The following CRYBG1 variants were observed in gnomAD, a reference collection of about 807,000 sequenced individuals.
The protein encoded by CRYBG1 is crystallin beta-gamma domain containing 1.
In CRYBG1, 139 loss-of-function variants were observed where a neutral mutation model predicts 189.2. The observed-to-expected ratio is 0.73, with a 90% CI of 0.64 to 0.85. The LOEUF is 0.85. Ranked by LOEUF, CRYBG1 falls within the 40% of genes least tolerant of loss-of-function variation. CRYBG1 has a pLI of 0.00. For synonymous variants in CRYBG1, 1,023 were observed against 1,017.1 expected (o/e 1.01, Z -0.11); for missense variants, 2,611 against 2,675.8 (o/e 0.98, Z 0.53).
At chr6:106,472,947 A>G (rs1344215547) in intron 2 of CRYBG1, among the ~76,000 whole-genome samples, 1 of 151,470 alleles carries the variant, frequency 6.6e-6, no homozygotes, top group Non-Finnish European at 1.5e-5. Flanking sequence ...CTGTTATTAC[A>G]GTAAATTATC....
chr6:106,500,405 C>G (rs2114508402), intron 2 of CRYBG1, among the ~76,000 whole-genome samples: 1 of 145,408 alleles, frequency 6.9e-6, no homozygotes, highest in Middle Eastern at 3.4e-3. Flanking sequence ...CCCTGATGAA[C>G]AGTGATGTTG....
chr6:106,400,327 A>G (rs1770698395), intron 1 of CRYBG1, among the ~76,000 whole-genome samples: 1 of 152,198 alleles, frequency 6.6e-6, no homozygotes. Flanking sequence ...GTTCACTTGC[A>G]CATATAATGA....
intron 1 of CRYBG1, among the ~76,000 whole-genome samples, chr6:106,448,460 G>A (rs576156677): frequency 6.6e-6 from 1 of 152,200 alleles, no homozygotes; most frequent in African/African-American, 2.4e-5. Flanking sequence ...CCTCCCATCT[G>A]GGAGATCATG....
chr6:106,512,197 A>T lies in CRYBG1; in HGVS notation c.1080A>T (p.Ala360=), dbSNP rs528778993. The T allele has an allele frequency of 2.6e-6, 4 of 1,535,852 alleles. No homozygotes were observed. The East Asian group carries it at 7.3e-5, about 28-fold the overall frequency. ...GAAHTASSAQ[A]DCTARPKGHA... ...CGCACACGGCCAGCTCCGCGCAGGCAGACTGCACAGCCCGCCCCAAGGGTC... is the reference window on the plus strand; with the variant it reads ...CGCACACGGCCAGCTCCGCGCAGGCTGACTGCACAGCCCGCCCCAAGGGTC... The change falls in exon 3 of 22, where the codon GCA becomes GCT. Residue 360 remains alanine (A), a synonymous_variant. Coordinates refer to ENST00000633556, the MANE Select transcript of CRYBG1 (RefSeq NM_001371242.2).
chr6:106,504,417 C>G (rs1773084173), intron 2 of CRYBG1, among the ~76,000 whole-genome samples: 1 of 152,146 alleles, frequency 6.6e-6, no homozygotes, highest in South Asian at 2.1e-4. Flanking sequence ...TTCACTCCTT[C>G]TAACAGCCCT....
chr6:106,529,809 A>G (rs576782888), intron 7 of CRYBG1, among the ~76,000 whole-genome samples: 1 of 152,368 alleles, frequency 6.6e-6, no homozygotes, highest in Admixed American at 6.5e-5. Flanking sequence ...GCCATTCTAC[A>G]GACTAGAGTC....
At chr6:106,395,943 C>T (rs1490880244) in intron 1 of CRYBG1, among the ~76,000 whole-genome samples, 4 of 150,788 alleles carry the variant, frequency 2.7e-5, no homozygotes, top group Admixed American at 6.6e-5. Flanking sequence ...GTCATGTTTC[C>T]GCTTCCATTT....
chr6:106,442,473 T>G (rs1258234289), intron 1 of CRYBG1, among the ~76,000 whole-genome samples: 1 of 152,194 alleles, frequency 6.6e-6, no homozygotes, highest in Non-Finnish European at 1.5e-5. Context: ...GCTATAAAGT[T>G]AACTTCAAAG....
chr6:106,517,223 C>T (rs1311556944), intron 3 of CRYBG1, among the ~76,000 whole-genome samples: 3 of 150,156 alleles, frequency 2.0e-5, no homozygotes, highest in African/African-American at 7.4e-5. Flanking sequence ...GTTGCCCAGG[C>T]TGGTCTTGAA....
At chr6:106,567,683 A>G (rs997686625) in intron 21 of CRYBG1, among the ~76,000 whole-genome samples, 2 of 99,698 alleles carry the variant, frequency 2.0e-5, no homozygotes, top group Non-Finnish European at 3.9e-5. Context: ...TCTACACTGG[A>G]AAAAAAAAAA....
intron 2 of CRYBG1, among the ~76,000 whole-genome samples, chr6:106,494,019 G>A (rs1772785184): frequency 6.6e-6 from 1 of 152,174 alleles, no homozygotes; most frequent in Non-Finnish European, 1.5e-5. Flanking sequence ...ATATTATTCA[G>A]CCATAAAAAG....
chr6:106,563,748 C>T lies in CRYBG1; in HGVS notation c.6139-16C>T. On this transcript the variant is annotated splice_polypyrimidine_tract_variant and intron_variant, in intron 20 of 21. Transcript: ENST00000633556. ...TGGATACATATTTAAGATATCTGGTCTTTTCCACTGAGCAGATAGCAGAAG... is the reference window on the plus strand; with the variant it reads ...TGGATACATATTTAAGATATCTGGTTTTTTCCACTGAGCAGATAGCAGAAG... The T allele has an allele frequency of 6.3e-7, 1 of 1,587,914 alleles. No individual in the cohort carries two copies. The highest frequency in any genetic ancestry group is 8.6e-7 in the Non-Finnish European group (1 of 1,158,450).
At chr6:106,551,085 G>A (rs377571552) in intron 13 of CRYBG1, among the ~76,000 whole-genome samples, 6 of 152,102 alleles carry the variant, frequency 3.9e-5, no homozygotes, top group African/African-American at 9.6e-5. Flanking sequence ...GGTTGAACCC[G>A]TCAACCTGAG....
In CRYBG1 at chr6:106,423,694, C is replaced by CTTTTTTTTTTTTTTTTTT. The variant is rs1350862841; in HGVS notation, c.174-28000_174-27999insTTTTTTTTTTTTTTTTTT. Among the ~76,000 whole-genome samples the CTTTTTTTTTTTTTTTTTT allele has an allele frequency of 3.0e-4, 30 of 101,246 alleles. 14 individuals carry two copies. The highest frequency in any genetic ancestry group is 2.4e-4 in the Non-Finnish European group (13 of 53,574). 66.4% of individuals were successfully genotyped at this position (101,246 alleles called of 152,430 possible). The stretch of plus-strand genomic sequence containing the variant: ...CCCTCCAGTCCTCAGTTCTCCCTCC[C>CTTTTTTTTTTTTTTTTTT]CTTTTTTTTTTTTTTTTTTTTTTTT... On this transcript the variant is annotated intron_variant, in intron 1 of 21. Coordinates refer to ENST00000633556, the MANE Select transcript of CRYBG1 (RefSeq NM_001371242.2).
At chr6:106,561,040 A>G (rs994067840) in intron 19 of CRYBG1, 114 bp downstream of exon 19, 31 of 1,190,762 alleles carry the variant, frequency 2.6e-5, no homozygotes, top group Non-Finnish European at 5.8e-6. Flanking sequence ...GCCTCACCCT[A>G]TAAACTCCTT....
intron 13 of CRYBG1, among the ~76,000 whole-genome samples, chr6:106,545,388 G>A (rs1423570473): frequency 1.3e-5 from 2 of 152,212 alleles, no homozygotes; most frequent in East Asian, 1.9e-4. Context: ...GCAGTTGACT[G>A]TTTTATTAGT....
At chr6:106,433,729 A>ATATATATG (rs546769364) in intron 1 of CRYBG1, among the ~76,000 whole-genome samples, 2,246 of 55,102 alleles carry the variant, frequency 0.041, 133 homozygotes, top group African/African-American at 0.19. Context: ...ATATATATAT[A>ATATATATG]TATATACATA....
intron 3 of CRYBG1, among the ~76,000 whole-genome samples, chr6:106,513,593 C>T (rs1213557184): frequency 6.6e-6 from 1 of 152,192 alleles, no homozygotes; most frequent in Non-Finnish European, 1.5e-5. Context: ...GCTTCTTCCC[C>T]TTTATAATGT....
chr6:106,539,552 C>T (rs1774083102), intron 9 of CRYBG1, 23 bp downstream of exon 9: 1 of 1,595,704 alleles, frequency 6.3e-7, no homozygotes. Flanking sequence ...TCCAAATGTC[C>T]TTGTGGTGAT....
Sources: gnomAD v4.1 joint callset for allele counts (sites outside exome capture counted in the v4.1 genomes callset) on GRCh38, gnomAD v4.1.1 for gene constraint, MANE v1.5 for transcripts, NCBI Gene and HGNC (gene_info 2026-07-23, HGNC 2026-07-21) for gene names.